The following MIA2 variants were observed in gnomAD, a reference collection of about 807,000 sequenced individuals.
The protein encoded by MIA2 is melanoma inhibitory activity protein 2.
A neutral mutation model predicts 167.8 loss-of-function variants in MIA2; 127 were observed. The observed-to-expected ratio is 0.76, with a 90% CI of 0.66 to 0.88. MIA2 has a LOEUF of 0.88. Among genes scored for constraint, MIA2 ranks in the 40% least tolerant of loss-of-function variants. The pLI, the probability that MIA2 is intolerant of heterozygous loss-of-function variation, is 0.00. For missense variants in MIA2, 1,690 were observed against 1,624.7 expected, an observed-to-expected ratio of 1.04 and a Z score of -0.69; for synonymous variants, 552 against 541.9, an observed-to-expected ratio of 1.02 and a Z score of -0.26.
intron 12 of MIA2, among the ~76,000 whole-genome samples, chr14:39,294,280 C>T (rs549751532): frequency 1.3e-5 from 2 of 152,072 alleles, no homozygotes; most frequent in South Asian, 2.1e-4. Flanking sequence ...TCACTGCAAC[C>T]TCCACCTCCT....
At chr14:39,330,161 A>G (rs1048887577) in intron 25 of MIA2, among the ~76,000 whole-genome samples, 3 of 152,150 alleles carry the variant, frequency 2.0e-5, no homozygotes, top group Non-Finnish European at 4.4e-5. Context: ...TTACTGATCT[A>G]TTCAGGAATT....
At chr14:39,330,369 A>G (rs892716952) in intron 25 of MIA2, among the ~76,000 whole-genome samples, 1 of 151,646 alleles carries the variant, frequency 6.6e-6, no homozygotes, top group Non-Finnish European at 1.5e-5. Context: ...TTTCTTCCTT[A>G]TTAGTCTGGC....
At chr14:39,244,326 G>A (rs1052929258) in intron 3 of MIA2, among the ~76,000 whole-genome samples, 2 of 152,136 alleles carry the variant, frequency 1.3e-5, no homozygotes, top group African/African-American at 2.4e-5. Flanking sequence ...AATAGGAGAA[G>A]GTCAGAAAAT....
chr14:39,288,047 A>C (rs2060051548), intron 9 of MIA2, among the ~76,000 whole-genome samples: 1 of 152,052 alleles, frequency 6.6e-6, no homozygotes, highest in South Asian at 2.1e-4. Context: ...TGGTTTTGCC[A>C]TGTTGCACAG....
Position 39,348,962 on chromosome 14 carries a change from C to G in MIA2, c.4057C>G (p.Pro1353Ala). The G allele has an allele frequency of 6.2e-7, 1 of 1,613,474 alleles. No homozygotes were observed. The highest frequency in any genetic ancestry group is 1.1e-5 in the South Asian group (1 of 91,058). ...ACCAGGGGATTTCCCAGGTCCACCA[C>G]CTGCTCCATTTGCAAGTATGCTTTT... ...FPPGDFPGPP[P>A]APFAMRNVYP... Residue 1353 changes from proline to alanine, a missense_variant, in exon 28 of 29, where the codon CCT (proline) becomes GCT (alanine). Coordinates refer to ENST00000640607, the MANE Select transcript of MIA2 (RefSeq NM_001329214.4).
At chr14:39,330,174 A>C (rs2068495250) in intron 25 of MIA2, among the ~76,000 whole-genome samples, 1 of 152,110 alleles carries the variant, frequency 6.6e-6, no homozygotes, top group Non-Finnish European at 1.5e-5. Flanking sequence ...CAGGAATTTG[A>C]CTTCTTCCTG....
At chr14:39,386,967 C>T in exon 24 of MIA2, 3 of 780,086 alleles carry the variant, frequency 3.8e-6, no homozygotes, top group Non-Finnish European at 6.6e-6. Flanking sequence ...GAAGCATTGG[C>T]GGATGAGACT....
intron 21 of MIA2, among the ~76,000 whole-genome samples, 198 bp from the exon 22 acceptor site, chr14:39,317,746 A>AC (rs1177936385): frequency 2.0e-5 from 3 of 152,318 alleles, no homozygotes; most frequent in Admixed American, 2.0e-4. Flanking sequence ...ACTAGAGGGT[A>AC]AAGAGTGGGT....
At chr14:39,253,567 G>C (rs2053456442) in intron 6 of MIA2, 1 of 195,750 alleles carries the variant, frequency 5.1e-6, no homozygotes, top group South Asian at 1.1e-4. Context: ...ATGTAACAAG[G>C]AGAATAAAAG....
chr14:39,318,445 G>T (rs1217509742), intron 22 of MIA2, among the ~76,000 whole-genome samples: 1 of 152,178 alleles, frequency 6.6e-6, no homozygotes, highest in South Asian at 2.1e-4. Context: ...AAAATGAAAG[G>T]TAGAATAAAA....
intron 23 of MIA2, among the ~76,000 whole-genome samples, chr14:39,378,670 T>A (rs552637087): frequency 6.6e-6 from 1 of 152,228 alleles, no homozygotes; most frequent in Admixed American, 6.5e-5. Flanking sequence ...GAATCTCTTA[T>A]GATTTTGGCA....
chr14:39,238,811 A>AACAAAACAAAAAAC lies in MIA2; in HGVS notation c.250-1750_250-1749insACAAAACAAAAAAC. Among the ~76,000 whole-genome samples, 69 of 103,632 alleles carry AACAAAACAAAAAAC rather than the reference A, an allele frequency of 6.7e-4. 3 individuals carry two copies. Among genetic ancestry groups the AACAAAACAAAAAAC allele is most frequent in the African/African-American group, 2.6e-3 (67 of 25,564 alleles). 68.0% of individuals were successfully genotyped at this position (103,632 alleles called of 152,430 possible). On this transcript the variant is annotated intron_variant, in intron 2 of 28. Coordinates refer to ENST00000640607, the MANE Select transcript of MIA2 (RefSeq NM_001329214.4). ...CCTGTCTCAAAAAAAAAAAAAAAAA[A>AACAAAACAAAAAAC]CCCAAAAAACAAAAAAACCTAGCTG...
chr14:39,314,774 G>A lies in MIA2; in HGVS notation c.3155G>A (p.Arg1052Lys), dbSNP rs762608614. ...RAKDLEEELERTIHSYQGQII... is the reference protein window; with the variant it reads ...RAKDLEEELEKTIHSYQGQII... Reference sequence around the variant, plus strand: ...AAAGATCTTGAAGAAGAATTGGAGAGAACTATTCATTCTTATCAAGGGCAG... The same window carrying A: ...AAAGATCTTGAAGAAGAATTGGAGAAAACTATTCATTCTTATCAAGGGCAG... Residue 1052 changes from arginine (R) to lysine (K), a missense_variant, in exon 20 of 29, where the codon AGA becomes AAA. Coordinates refer to ENST00000640607, the MANE Select transcript of MIA2 (RefSeq NM_001329214.4). 1.9e-6 allele frequency: 3 copies of A among 1,604,564 alleles called. No individual in the cohort carries two copies. The highest frequency in any genetic ancestry group is 2.2e-5 in the East Asian group (1 of 44,644).
intron 24 of MIA2, among the ~76,000 whole-genome samples, chr14:39,324,924 A>G (rs73277501): frequency 0.019 from 2,947 of 152,154 alleles, 103 homozygotes; most frequent in African/African-American, 0.068. Context: ...TTAGGCTTCT[A>G]TTGAAAAAAA....
At chr14:39,386,255 T>G (rs1201773550) in intron 23 of MIA2, 153 of 1,436,770 alleles carry the variant, frequency 1.1e-4, no homozygotes, top group Non-Finnish European at 1.5e-4. Context: ...GGGTCCTTCC[T>G]TTGATAACTC....
chr14:39,286,568 A>T (rs1173665323), intron 9 of MIA2, among the ~76,000 whole-genome samples: 3 of 152,134 alleles, frequency 2.0e-5, no homozygotes, highest in African/African-American at 7.2e-5. Flanking sequence ...TTCAGTTATT[A>T]TATCTGTATT....
At chr14:39,319,072 A>T (rs1041507881) in intron 22 of MIA2, 137 bp from the exon 23 acceptor site, 2 of 448,152 alleles carry the variant, frequency 4.5e-6, no homozygotes, top group African/African-American at 4.0e-5. Context: ...TGTTTTGGTC[A>T]GAATAATTTT....
intron 6 of MIA2, among the ~76,000 whole-genome samples, chr14:39,272,275 C>T (rs1040071520): frequency 2.6e-5 from 4 of 152,070 alleles, no homozygotes; most frequent in African/African-American, 4.8e-5. Flanking sequence ...TCGCTTGAAC[C>T]CGGGAGGCGG....
intron 9 of MIA2, among the ~76,000 whole-genome samples, chr14:39,287,963 G>A (rs1223974989): frequency 6.6e-6 from 1 of 151,942 alleles, no homozygotes; most frequent in Non-Finnish European, 1.5e-5. Context: ...TCCCACCTTA[G>A]CCTCCCTAGA....
Sources: gnomAD v4.1 joint callset for allele counts (sites outside exome capture counted in the v4.1 genomes callset) on GRCh38, gnomAD v4.1.1 for gene constraint, MANE v1.5 for transcripts, NCBI Gene and HGNC (gene_info 2026-07-23, HGNC 2026-07-21) for gene names.